The following GTF2F2 variants were observed in gnomAD, a reference collection of about 807,000 sequenced individuals.
GTF2F2 encodes ATP-dependent helicase GTF2F2.
GTF2F2 carries 23 observed loss-of-function variants against 42.2 expected under a neutral mutation model. That is an observed-to-expected ratio of 0.55 (90% CI 0.39 to 0.77). The LOEUF (loss-of-function observed/expected upper bound fraction) is 0.77. GTF2F2 is among the 30% of genes least tolerant of loss of function. The pLI, the probability that GTF2F2 is intolerant of heterozygous loss-of-function variation, is 0.00. For synonymous variants in GTF2F2, 105 were observed against 100.8 expected, an observed-to-expected ratio of 1.04 and a Z score of -0.25; for missense variants, 261 against 287.2, an observed-to-expected ratio of 0.91 and a Z score of 0.66.
chr13:45,171,405 A>G (rs1207485852), intron 4 of GTF2F2, among the ~76,000 whole-genome samples: 1 of 152,162 alleles, frequency 6.6e-6, no homozygotes, highest in African/African-American at 2.4e-5. Context: ...ACTTTAAAAG[A>G]AACAGGTTTA....
chr13:45,147,733 C>T (rs1207160135), intron 2 of GTF2F2, among the ~76,000 whole-genome samples: 1 of 152,192 alleles, frequency 6.6e-6, no homozygotes, highest in African/African-American at 2.4e-5. Context: ...CTTAGTCTGT[C>T]CTAAGTGATT....
At chr13:45,127,627 C>A (rs1241469390) in intron 1 of GTF2F2, among the ~76,000 whole-genome samples, 1 of 151,750 alleles carries the variant, frequency 6.6e-6, no homozygotes, top group Non-Finnish European at 1.5e-5. Context: ...TGAGCCACCA[C>A]CCCTGGCCTT....
At chr13:45,135,153 C>T (rs1318093201) in intron 1 of GTF2F2, among the ~76,000 whole-genome samples, 1 of 151,828 alleles carries the variant, frequency 6.6e-6, no homozygotes, top group Admixed American at 6.6e-5. Flanking sequence ...GGGATTCCGC[C>T]ATGATGGCCA....
chr13:45,217,297 C>CAA (rs397851526), intron 5 of GTF2F2, among the ~76,000 whole-genome samples: 5 of 85,476 alleles, frequency 5.8e-5, no homozygotes, highest in South Asian at 4.4e-4. Flanking sequence ...GACTCCATCT[C>CAA]AAAAAAAAAA....
At chr13:45,122,582 C>A (rs1352524787) in intron 1 of GTF2F2, among the ~76,000 whole-genome samples, 1 of 151,762 alleles carries the variant, frequency 6.6e-6, no homozygotes, top group African/African-American at 2.4e-5. Context: ...TGCAGTGAGC[C>A]GAGATTGCTC....
chr13:45,196,317 A>G (rs1164941893), intron 4 of GTF2F2, among the ~76,000 whole-genome samples: 3 of 152,230 alleles, frequency 2.0e-5, no homozygotes, highest in African/African-American at 7.2e-5. Flanking sequence ...ACTTCACAGC[A>G]AAGCCAACAT....
At chr13:45,152,284 T>TAA (rs1209421734) in intron 4 of GTF2F2, among the ~76,000 whole-genome samples, 1 of 152,204 alleles carries the variant, frequency 6.6e-6, no homozygotes, top group African/African-American at 2.4e-5. Flanking sequence ...CTGTTATTCA[T>TAA]ACTATGCTAC....
chr13:45,184,391 C>G (rs1388284780), intron 4 of GTF2F2, among the ~76,000 whole-genome samples: 5 of 148,712 alleles, frequency 3.4e-5, no homozygotes, highest in African/African-American at 1.3e-4. Context: ...TTTATTCCCC[C>G]CCGCCCTTTT....
At chr13:45,187,987 T>G (rs1302262686) in intron 4 of GTF2F2, among the ~76,000 whole-genome samples, 2 of 152,174 alleles carry the variant, frequency 1.3e-5, no homozygotes, top group Non-Finnish European at 2.9e-5. Context: ...CAGCTTGCTA[T>G]AACCACCTCC....
At chr13:45,259,097 G>T (rs1353288446) in intron 6 of GTF2F2, among the ~76,000 whole-genome samples, 1 of 152,108 alleles carries the variant, frequency 6.6e-6, no homozygotes, top group African/African-American at 2.4e-5. Flanking sequence ...TGTTTTCGGT[G>T]TTGCTGTATA....
intron 4 of GTF2F2, among the ~76,000 whole-genome samples, chr13:45,204,317 G>A (rs1873333596): frequency 6.6e-6 from 1 of 152,156 alleles, no homozygotes; most frequent in African/African-American, 2.4e-5. Flanking sequence ...GAGGGTAGGA[G>A]CCGTGTTTCA....
rs971281839 is a variant in GTF2F2 at position 45,188,826 on chromosome 13, A to G, written c.305-18598A>G. 3.9e-5 allele frequency among the ~76,000 whole-genome samples: 6 copies of G among 152,246 alleles called. No individual in the cohort carries two copies. In the Middle Eastern group the frequency reaches 0.014, roughly 345 times the overall value. Reference sequence around the variant, plus strand: ...GTCATAAAAAGTTAACCTATTTTTCACCAAACTTGATATGTGAAAATCTTA... The same window carrying G: ...GTCATAAAAAGTTAACCTATTTTTCGCCAAACTTGATATGTGAAAATCTTA... On this transcript the variant is annotated intron_variant, in intron 4 of 7. Transcript: ENST00000340473.
intron 4 of GTF2F2, among the ~76,000 whole-genome samples, chr13:45,158,930 C>G (rs2138129274): frequency 6.6e-6 from 1 of 152,324 alleles, no homozygotes; most frequent in South Asian, 2.1e-4. Flanking sequence ...CACGGGATGG[C>G]TAGTCTCCCT....
At chr13:45,211,068 G>C (rs895871151) in intron 5 of GTF2F2, among the ~76,000 whole-genome samples, 2 of 152,168 alleles carry the variant, frequency 1.3e-5, no homozygotes, top group Non-Finnish European at 2.9e-5. Context: ...AGATTCTTCT[G>C]GTTGGTGGTG....
At chr13:45,162,275 C>G (rs1220287872) in intron 4 of GTF2F2, among the ~76,000 whole-genome samples, 5 of 152,176 alleles carry the variant, frequency 3.3e-5, no homozygotes, top group African/African-American at 1.2e-4. Flanking sequence ...ATCTTCAAGT[C>G]CCATTCACTT....
chr13:45,217,153 G>T lies in GTF2F2; in HGVS notation c.386+9648G>T, dbSNP rs186610422. On this transcript the variant is annotated intron_variant, in intron 5 of 7. Transcript: ENST00000340473. ...GTCTCTACTAAAAATAGAAAAATTA[G>T]CTGGGCATGGTGGTGGCCACCTGTA... Among the ~76,000 whole-genome samples, 193 of 152,086 alleles carry T rather than the reference G, an allele frequency of 1.3e-3. 1 individual carries two copies. The highest frequency in any genetic ancestry group is 4.3e-3 in the African/African-American group (177 of 41,508).
intron 5 of GTF2F2, among the ~76,000 whole-genome samples, chr13:45,216,179 C>A (rs969316814): frequency 2.6e-5 from 4 of 152,122 alleles, no homozygotes; most frequent in Admixed American, 1.3e-4. Context: ...GGTTGCACCA[C>A]TGCACTCCCT....
chr13:45,192,357 G>A (rs1349171803), intron 4 of GTF2F2, among the ~76,000 whole-genome samples: 1 of 152,036 alleles, frequency 6.6e-6, no homozygotes, highest in East Asian at 1.9e-4. Flanking sequence ...TACATTAGAT[G>A]TTATAACTAG....
At chr13:45,138,442 A>G (rs1049962639) in intron 2 of GTF2F2, among the ~76,000 whole-genome samples, 5 of 152,166 alleles carry the variant, frequency 3.3e-5, no homozygotes, top group Non-Finnish European at 4.4e-5. Context: ...GCTGATCTAG[A>G]GTTAACCACA....
Sources: gnomAD v4.1 joint callset for allele counts (sites outside exome capture counted in the v4.1 genomes callset) on GRCh38, gnomAD v4.1.1 for gene constraint, MANE v1.5 for transcripts, NCBI Gene and HGNC (gene_info 2026-07-23, HGNC 2026-07-21) for gene names.